The following UNC80 variants were observed in gnomAD, a reference collection of about 807,000 sequenced individuals.
UNC80 encodes the protein protein unc-80 homolog.
In UNC80, 164 loss-of-function variants were observed where a neutral mutation model predicts 384.6. That is an observed-to-expected ratio of 0.43 (90% CI 0.38 to 0.49). UNC80 has a LOEUF of 0.49. Ranked by LOEUF, UNC80 falls within the 20% of genes least tolerant of loss-of-function variation. The pLI is 0.00. For synonymous variants in UNC80, 1,486 were observed against 1,527.8 expected (o/e 0.97, Z 0.64); for missense variants, 3,330 against 4,143.0 (o/e 0.80, Z 5.39).
At position 209,925,978 on chromosome 2, in the gene UNC80, T is replaced by C. The variant is rs553862919; in HGVS notation, c.5663-865T>C. Among the ~76,000 whole-genome samples the C allele has an allele frequency of 2.0e-5, 3 of 152,346 alleles. No individual in the cohort carries two copies. The East Asian group carries it at 5.8e-4, about 29-fold the overall frequency. On this transcript the variant is annotated intron_variant, in intron 35 of 64. Coordinates refer to ENST00000673920, the MANE Select transcript of UNC80 (RefSeq NM_001371986.1). ...AAAAGTGACATGTATATTTTCATATTAATAAGCTGTTAAATACCTTTTCTA... is the reference window on the plus strand; with the variant it reads ...AAAAGTGACATGTATATTTTCATATCAATAAGCTGTTAAATACCTTTTCTA...
chr2:209,918,662 C>A lies in UNC80; in HGVS notation c.5342C>A (p.Ser1781Tyr). 1 of 1,545,244 alleles carries A rather than the reference C, an allele frequency of 6.5e-7. No individual in the cohort carries two copies. The highest frequency in any genetic ancestry group is 8.8e-7 in the Non-Finnish European group (1 of 1,142,744). The change falls in exon 33 of 65, where the codon TCT becomes TAT. Residue 1781 changes from serine (S) to tyrosine (Y), a missense_variant and splice_region_variant. Ser to Tyr is a moderately radical substitution (Grantham distance 144). Transcript: ENST00000673920. ...CAGGACCCCATTAATGAAGACCAGTCTGTGAGTAACAGACACTTCCAGGTT... is the reference window on the plus strand; with the variant it reads ...CAGGACCCCATTAATGAAGACCAGTATGTGAGTAACAGACACTTCCAGGTT... ...SVQDPINEDQ[S>Y]KSFSARAVSR...
intron 35 of UNC80, among the ~76,000 whole-genome samples, chr2:209,924,142 T>G (rs1333130957): frequency 3.9e-5 from 6 of 152,196 alleles, no homozygotes; most frequent in Non-Finnish European, 7.4e-5. Flanking sequence ...CTTTTATTTC[T>G]GTATATGGGC....
At chr2:209,827,297 C>A (rs1388035229) in intron 14 of UNC80, among the ~76,000 whole-genome samples, 1 of 152,058 alleles carries the variant, frequency 6.6e-6, no homozygotes. Context: ...ACTCCCCATG[C>A]AGAAGACCAA....
At chr2:209,943,325 T>A (rs1055522496) in intron 44 of UNC80, 55 bp from the exon 45 acceptor site, 9 of 1,543,170 alleles carry the variant, frequency 5.8e-6, no homozygotes, top group Non-Finnish European at 7.0e-6. Context: ...TAAAAGCGAG[T>A]ACAACTTTGA....
Position 209,829,199 on chromosome 2 carries a change from T to C in UNC80, c.2479-33T>C, listed in dbSNP as rs1167578666. 5 of 1,549,736 alleles carry C rather than the reference T, an allele frequency of 3.2e-6. No homozygotes were observed. In the African/African-American group the frequency reaches 6.9e-5, roughly 21 times the overall value. On this transcript the variant is annotated intron_variant, in intron 14 of 64. Transcript: ENST00000673920. ...AGTATCCATAGCTTAAGCTGGTACT[T>C]GTGACTTTTTCACTTTTCTTCCTTC...
intron 13 of UNC80, among the ~76,000 whole-genome samples, chr2:209,822,022 C>T (rs749096837): frequency 6.6e-6 from 1 of 152,130 alleles, no homozygotes; most frequent in Non-Finnish European, 1.5e-5. Context: ...CAATTTCTTC[C>T]TCATTTCTTT....
chr2:209,773,160 T>TA lies in UNC80; in HGVS notation c.141+18_141+19insA. 1 of 1,610,140 alleles carries TA rather than the reference T, an allele frequency of 6.2e-7. No individual in the cohort carries two copies. On this transcript the variant is annotated intron_variant, in intron 2 of 64. Coordinates refer to ENST00000673920, the MANE Select transcript of UNC80 (RefSeq NM_001371986.1). ...CTTGTGTGGTATGTGATTTTCACCATTTAATAATTATTTCCCTATTCTGTG... is the reference window on the plus strand; with the variant it reads ...CTTGTGTGGTATGTGATTTTCACCATATTAATAATTATTTCCCTATTCTGTG...
At chr2:209,969,739 A>G (rs1232452785) in intron 52 of UNC80, 29 bp from the exon 53 acceptor site, 1 of 1,551,068 alleles carries the variant, frequency 6.4e-7, no homozygotes, top group Non-Finnish European at 8.7e-7. Context: ...GGGAGCCAAG[A>G]CGCTAATGGC....
intron 46 of UNC80, 124 bp from the exon 47 acceptor site, chr2:209,945,723 G>A (rs2091885704): frequency 5.0e-6 from 3 of 603,244 alleles, no homozygotes; most frequent in Admixed American, 3.1e-5. Context: ...CACAGCGTAG[G>A]AATAAAATTT....
chr2:209,813,674 G>A lies in UNC80; in HGVS notation c.1033G>A (p.Glu345Lys). The A allele has an allele frequency of 6.4e-7, 1 of 1,551,756 alleles. No individual in the cohort carries two copies. The highest frequency in any genetic ancestry group is 8.7e-7 in the Non-Finnish European group (1 of 1,147,016). ...LRCLLQPHWS[E>K]EGTQWSLMYY... is the part of the protein sequence containing the mutation. ...CTGCCTACTTCAGCCCCATTGGTCT[G>A]AGGAAGGCACTCAGTGGTCTCTGAT... is the stretch of plus-strand genomic sequence containing the variant. Residue 345 changes from glutamate to lysine, a missense_variant, in exon 8 of 65, where the codon GAG (glutamate) becomes AAG (lysine). By Grantham distance (56) the Glu-to-Lys change is moderately conservative. Coordinates refer to ENST00000673920, the MANE Select transcript of UNC80 (RefSeq NM_001371986.1).
chr2:209,877,632 T>G lies in UNC80; in HGVS notation c.3841-322T>G, dbSNP rs1163823325. On this transcript the variant is annotated intron_variant, in intron 23 of 64. Coordinates refer to ENST00000673920, the MANE Select transcript of UNC80 (RefSeq NM_001371986.1). ...CAAAATCCTCCATTAAAAGCAATTG[T>G]GTACTCCCTTGTATCATATCTATAA... Among the ~76,000 whole-genome samples, 4 of 152,196 alleles carry G rather than the reference T, an allele frequency of 2.6e-5. 1 individual carries two copies. The South Asian group carries it at 8.3e-4, about 31-fold the overall frequency.
intron 35 of UNC80, among the ~76,000 whole-genome samples, chr2:209,924,310 G>A (rs1223967148): frequency 6.6e-6 from 1 of 152,112 alleles, no homozygotes; most frequent in Non-Finnish European, 1.5e-5. Flanking sequence ...AACTTTCCTT[G>A]ACTAATTTGT....
At chr2:209,840,352 C>A (rs1326620528) in intron 19 of UNC80, among the ~76,000 whole-genome samples, 190 bp from the exon 20 acceptor site, 2 of 152,208 alleles carry the variant, frequency 1.3e-5, no homozygotes, top group Admixed American at 1.3e-4. Context: ...CTTGGTCCCA[C>A]ATGCTTATGC....
intron 9 of UNC80, among the ~76,000 whole-genome samples, chr2:209,816,142 C>T (rs2079720345): frequency 6.6e-6 from 1 of 152,134 alleles, no homozygotes; most frequent in Non-Finnish European, 1.5e-5. Context: ...AAACATTGAT[C>T]ATTTGAAAGG....
intron 7 of UNC80, among the ~76,000 whole-genome samples, chr2:209,800,013 A>C (rs1402361743): frequency 6.6e-6 from 1 of 152,110 alleles, no homozygotes; most frequent in Admixed American, 6.5e-5. Flanking sequence ...TTCATCAGAG[A>C]TATTAGCCTG....
chr2:209,787,616 C>T (rs749773405), intron 5 of UNC80, among the ~76,000 whole-genome samples: 5 of 152,088 alleles, frequency 3.3e-5, no homozygotes, highest in East Asian at 3.9e-4. Context: ...CTAGTGGTCT[C>T]GTAGCCATGG....
At chr2:209,933,120 T>C (rs2091005706) in intron 38 of UNC80, among the ~76,000 whole-genome samples, 1 of 152,210 alleles carries the variant, frequency 6.6e-6, no homozygotes, top group Non-Finnish European at 1.5e-5. Context: ...TTTCATCAAA[T>C]ATTCCAATTA....
chr2:209,971,011 A>C, intron 54 of UNC80, 54 bp downstream of exon 54: 1 of 1,524,844 alleles, frequency 6.6e-7, no homozygotes. Context: ...TTGAGGCACC[A>C]GATCATGGTG....
chr2:209,820,690 AC>A lies in UNC80; in HGVS notation c.2331+13del, dbSNP rs1280788284. ...AAGAACCAAGAGAAGGTATGACTGA[AC>A]CACCTTATGTGTCCTCATGAAATGT... On this transcript the variant is annotated intron_variant, in intron 13 of 64. Coordinates refer to ENST00000673920, the MANE Select transcript of UNC80 (RefSeq NM_001371986.1). 6.6e-7 allele frequency: 1 copy of A among 1,526,390 alleles called. No individual in the cohort carries two copies. Among genetic ancestry groups the A allele is most frequent in the Admixed American group, 2.1e-5 (1 of 47,836 alleles). The allele number at this position is 1,526,390 out of a possible 1,614,324, so 94.6% of individuals were successfully genotyped here. A position where few individuals can be genotyped will look rare whatever the true frequency, so the allele number is the denominator to read the frequency against.
Sources: allele counts gnomAD v4.1 joint callset (sites outside exome capture counted in the v4.1 genomes callset), GRCh38; gene constraint gnomAD v4.1.1; transcripts MANE v1.5; gene names NCBI Gene and HGNC (gene_info 2026-07-23, HGNC 2026-07-21).